The following LRRC4C variants were observed in gnomAD, a reference collection of about 807,000 sequenced individuals.
LRRC4C encodes the protein leucine rich repeat containing 4C, also known as leucine-rich repeat-containing protein 4C.
LRRC4C carries 5 observed loss-of-function variants against 33.6 expected under a neutral mutation model. The observed-to-expected ratio is 0.15, with a 90% CI of 0.08 to 0.31. The LOEUF (loss-of-function observed/expected upper bound fraction) is 0.31. Among genes scored for constraint, LRRC4C ranks in the 10% least tolerant of loss-of-function variants. LRRC4C has a pLI of 1.00. For missense variants in LRRC4C, 560 were observed against 796.7 expected (o/e 0.70, Z 3.58); for synonymous variants, 329 against 302.0 (o/e 1.09, Z -0.93).
intron 1 of LRRC4C, among the ~76,000 whole-genome samples, chr11:41,062,651 G>A (rs1937875685): frequency 6.6e-6 from 1 of 152,080 alleles, no homozygotes; most frequent in Non-Finnish European, 1.5e-5. Context: ...ATCTTTACTG[G>A]GTAGCATAAT....
At chr11:40,122,937 GTA>G (rs1337402322) in intron 6 of LRRC4C, among the ~76,000 whole-genome samples, 1 of 133,266 alleles carries the variant, frequency 7.5e-6, no homozygotes, top group African/African-American at 2.8e-5. Flanking sequence ...AAGTGTATGT[GTA>G]TATATATATT....
At chr11:40,571,329 A>T (rs572072111) in intron 3 of LRRC4C, among the ~76,000 whole-genome samples, 62 of 152,108 alleles carry the variant, frequency 4.1e-4, no homozygotes, top group African/African-American at 1.3e-3. Context: ...ATTTTTTTTT[A>T]AATTTTTAGT....
At chr11:41,015,939 G>A (rs540956049) in intron 1 of LRRC4C, among the ~76,000 whole-genome samples, 8 of 152,058 alleles carry the variant, frequency 5.3e-5, no homozygotes, top group African/African-American at 1.9e-4. Flanking sequence ...GCAGTGAGCC[G>A]AGATCGCGCC....
At chr11:40,516,869 G>A (rs908275726) in intron 3 of LRRC4C, among the ~76,000 whole-genome samples, 1 of 152,128 alleles carries the variant, frequency 6.6e-6, no homozygotes, top group Non-Finnish European at 1.5e-5. Context: ...CTCAGAGGGG[G>A]ATGTGTCAAA....
At chr11:40,510,391 G>A (rs1371674) in intron 3 of LRRC4C, among the ~76,000 whole-genome samples, 8 of 151,578 alleles carry the variant, frequency 5.3e-5, no homozygotes, top group Admixed American at 1.3e-4. Context: ...AGTTGATTTC[G>A]TAACAAACAC....
intron 2 of LRRC4C, among the ~76,000 whole-genome samples, chr11:40,733,134 G>A (rs1434403514): frequency 7.3e-6 from 1 of 136,984 alleles, no homozygotes; most frequent in African/African-American, 2.7e-5. Flanking sequence ...GGAGTAGCGT[G>A]GCGAGATCTC....
At chr11:40,462,609 G>T (rs1157077740) in intron 3 of LRRC4C, among the ~76,000 whole-genome samples, 1 of 151,952 alleles carries the variant, frequency 6.6e-6, no homozygotes, top group Non-Finnish European at 1.5e-5. Context: ...GGTGAGAAGG[G>T]ATAAAAATAC....
At chr11:40,482,113 G>T (rs1049047347) in intron 3 of LRRC4C, among the ~76,000 whole-genome samples, 12 of 152,096 alleles carry the variant, frequency 7.9e-5, no homozygotes, top group Middle Eastern at 3.2e-3. Context: ...TGTTAGTTTG[G>T]TAACAATCAT....
intron 1 of LRRC4C, among the ~76,000 whole-genome samples, chr11:41,070,027 G>T (rs528166159): frequency 7.2e-5 from 11 of 152,120 alleles, no homozygotes; most frequent in East Asian, 5.8e-4. Context: ...ACACTAAAAG[G>T]CTATAGTAAC....
At chr11:41,357,189 A>C (rs138165037) in intron 1 of LRRC4C, among the ~76,000 whole-genome samples, 3 of 152,300 alleles carry the variant, frequency 2.0e-5, no homozygotes, top group African/African-American at 7.2e-5. Flanking sequence ...ATTAGTCATC[A>C]TCCCAAGAGT....
At chr11:40,287,256 ATGTGTGTGTGTG>A (rs5791367) in intron 4 of LRRC4C, among the ~76,000 whole-genome samples, 3 of 144,874 alleles carry the variant, frequency 2.1e-5, no homozygotes, top group South Asian at 2.3e-4. Context: ...ATGTCACTGT[ATGTGTGTGTGTG>A]TGTGTGTGTG....
At chr11:41,071,676 C>A (rs1938696601) in intron 1 of LRRC4C, among the ~76,000 whole-genome samples, 1 of 152,088 alleles carries the variant, frequency 6.6e-6, no homozygotes, top group African/African-American at 2.4e-5. Context: ...AGCCCATGGG[C>A]CAAGAAACAA....
At chr11:40,333,313 A>G (rs1420222162) in intron 3 of LRRC4C, among the ~76,000 whole-genome samples, 1 of 152,164 alleles carries the variant, frequency 6.6e-6, no homozygotes, top group Non-Finnish European at 1.5e-5. Context: ...GAGATGCTAC[A>G]ACATATAAAA....
At chr11:41,308,177 G>A (rs1041354688) in intron 1 of LRRC4C, among the ~76,000 whole-genome samples, 1 of 152,136 alleles carries the variant, frequency 6.6e-6, no homozygotes, top group African/African-American at 2.4e-5. Context: ...GGTAGCTTGC[G>A]GACTTCACAC....
At chr11:40,936,721 G>A (rs886890909) in intron 1 of LRRC4C, among the ~76,000 whole-genome samples, 3 of 151,976 alleles carry the variant, frequency 2.0e-5, no homozygotes, top group African/African-American at 7.3e-5. Flanking sequence ...AATTCTCAAC[G>A]CTGTGTAGTT....
At chr11:40,517,176 T>A (rs1444431782) in intron 3 of LRRC4C, among the ~76,000 whole-genome samples, 1 of 152,166 alleles carries the variant, frequency 6.6e-6, no homozygotes, top group Non-Finnish European at 1.5e-5. Flanking sequence ...TGGACACATA[T>A]AATTTACTGG....
At chr11:40,340,592 A>C (rs1286523220) in intron 3 of LRRC4C, among the ~76,000 whole-genome samples, 1 of 152,168 alleles carries the variant, frequency 6.6e-6, no homozygotes, top group East Asian at 1.9e-4. Context: ...GTGTGCAGGT[A>C]CTCTGACAAG....
chr11:40,478,776 G>A (rs1159235868), intron 3 of LRRC4C, among the ~76,000 whole-genome samples: 1 of 152,014 alleles, frequency 6.6e-6, no homozygotes, highest in South Asian at 2.1e-4. Flanking sequence ...CCTTAAAATT[G>A]TTTTTTTCTG....
chr11:41,303,057 T>C (rs1457349407), intron 1 of LRRC4C, among the ~76,000 whole-genome samples: 1 of 152,044 alleles, frequency 6.6e-6, no homozygotes, highest in Admixed American at 6.5e-5. Context: ...TTTATATGGA[T>C]TTTTAGAAAA....
Sources: gnomAD v4.1 joint callset for allele counts (sites outside exome capture counted in the v4.1 genomes callset) on GRCh38, gnomAD v4.1.1 for gene constraint, MANE v1.5 for transcripts, NCBI Gene and HGNC (gene_info 2026-07-23, HGNC 2026-07-21) for gene names.